TNPO1: variants seen among roughly 807,000 people sequenced by gnomAD.
TNPO1 encodes the protein transportin 1.
A neutral mutation model predicts 119.5 loss-of-function variants in TNPO1; 8 were observed. The observed-to-expected ratio is 0.07, with a 90% CI of 0.04 to 0.12. The LOEUF (loss-of-function observed/expected upper bound fraction) is 0.12, where lower values mean the gene tolerates loss of function less well. Ranked by LOEUF, TNPO1 falls within the 10% of genes least tolerant of loss-of-function variation. The pLI is 1.00. For missense variants in TNPO1, 576 were observed against 1,089.8 expected (o/e 0.53, Z 6.64); for synonymous variants, 362 against 363.0 (o/e 1.00, Z 0.03).
intron 3 of TNPO1, 45 bp from the exon 4 acceptor site, chr5:72,855,729 A>G (rs747839552): frequency 6.7e-7 from 1 of 1,494,026 alleles, no homozygotes; most frequent in Non-Finnish European, 9.0e-7. Context: ...ACATTTTGAA[A>G]TTAAGACTAC....
chr5:72,867,418 A>C (rs981858598), intron 6 of TNPO1, among the ~76,000 whole-genome samples: 1 of 152,208 alleles, frequency 6.6e-6, no homozygotes, highest in Non-Finnish European at 1.5e-5. Flanking sequence ...GACTTCAAGA[A>C]TATAAAATTA....
At chr5:72,885,185 CA>C (rs745727165) in intron 11 of TNPO1, among the ~76,000 whole-genome samples, 2 of 152,218 alleles carry the variant, frequency 1.3e-5, no homozygotes, top group Non-Finnish European at 2.9e-5. Flanking sequence ...ACATTTCCAA[CA>C]ACCTTGAATA....
chr5:72,852,668 T>C (rs968646224), intron 3 of TNPO1, among the ~76,000 whole-genome samples: 1 of 152,210 alleles, frequency 6.6e-6, no homozygotes, highest in Admixed American at 6.5e-5. Context: ...GACAGGTTAA[T>C]AGTGTTATTG....
chr5:72,855,291 A>T (rs906779978), intron 3 of TNPO1, among the ~76,000 whole-genome samples: 1 of 152,082 alleles, frequency 6.6e-6, no homozygotes, highest in Non-Finnish European at 1.5e-5. Context: ...AAAACCAGCA[A>T]CAAAATTTTA....
chr5:72,883,192 T>C lies in TNPO1; in HGVS notation c.1110T>C (p.Asp370=). The C allele has an allele frequency of 6.4e-7, 1 of 1,565,866 alleles. No individual in the cohort carries two copies. The stretch of plus-strand genomic sequence containing the variant: ...TTGAAGAGGAAGATGATGATGATGA[T>C]GAAATTGATGATGATGATACAATTT... The part of the protein sequence containing the change: ...DGIEEEDDDD[D]EIDDDDTISD... Residue 370 remains aspartate, a synonymous_variant, in exon 11 of 25, where the codon GAT becomes GAC. Coordinates refer to ENST00000337273, the MANE Select transcript of TNPO1 (RefSeq NM_002270.4).
intron 1 of TNPO1, among the ~76,000 whole-genome samples, chr5:72,834,819 A>G (rs1912004): frequency 0.49 from 73,900 of 152,082 alleles, 19,131 homozygotes; most frequent in Admixed American, 0.62. Flanking sequence ...TATAAGCTCC[A>G]TTCATGTTAA....
At chr5:72,886,047 A>G (rs886931908) in intron 11 of TNPO1, among the ~76,000 whole-genome samples, 2 of 151,868 alleles carry the variant, frequency 1.3e-5, no homozygotes, top group Admixed American at 1.3e-4. Flanking sequence ...AACCCTTAAG[A>G]CCTAATCATC....
intron 24 of TNPO1, 91 bp from the exon 25 acceptor site, chr5:72,908,618 A>G (rs888086062): frequency 1.3e-5 from 2 of 157,190 alleles, no homozygotes; most frequent in African/African-American, 4.8e-5. Context: ...AGGTAAAGAT[A>G]GCATTCTTAT....
chr5:72,889,693 T>C, intron 13 of TNPO1, 93 bp from the exon 14 acceptor site: 2 of 1,396,054 alleles, frequency 1.4e-6, no homozygotes, highest in Admixed American at 2.5e-5. Flanking sequence ...AGGAAATTCC[T>C]GATTGGGTAA....
chr5:72,826,355 C>T (rs542377395), intron 1 of TNPO1, among the ~76,000 whole-genome samples: 2 of 152,120 alleles, frequency 1.3e-5, no homozygotes, highest in South Asian at 2.1e-4. Context: ...CATTTTTAAA[C>T]GGTTATGAAA....
intron 20 of TNPO1, 53 bp from the exon 21 acceptor site, chr5:72,899,953 C>A: frequency 1.4e-6 from 2 of 1,450,478 alleles, no homozygotes; most frequent in Non-Finnish European, 1.9e-6. Flanking sequence ...CCCTCATTTG[C>A]TCATGTCTTG....
At position 72,914,101 on chromosome 5, in the gene TNPO1, T is replaced by C. The variant is rs976747104; in HGVS notation, c.*5428T>C. The C allele has an allele frequency of 6.6e-6, 1 of 152,656 alleles. No homozygotes were observed. The highest frequency in any genetic ancestry group is 6.5e-5 in the Admixed American group (1 of 15,288). The allele number at this position is 152,656 out of a possible 1,614,324, so 9.5% of individuals were successfully genotyped here. ...CTGTACCTGCCACACTATGTTAGAA[T>C]GTGTCCTTCAAACATATCCTCCTGC... On this transcript the variant is annotated 3_prime_UTR_variant, in exon 25 of 25. Coordinates refer to ENST00000337273, the MANE Select transcript of TNPO1 (RefSeq NM_002270.4).
chr5:72,823,157 T>C (rs899094708), intron 1 of TNPO1, among the ~76,000 whole-genome samples: 1 of 152,122 alleles, frequency 6.6e-6, no homozygotes, highest in African/African-American at 2.4e-5. Flanking sequence ...GTTTGTTTGC[T>C]CCGTAACTTT....
intron 9 of TNPO1, chr5:72,879,086 C>A: frequency 4.4e-6 from 1 of 228,126 alleles, no homozygotes; most frequent in South Asian, 6.0e-5. Context: ...CCTCATGCGT[C>A]AACATCTTCA....
At chr5:72,841,121 T>TC (rs1561299846) in intron 1 of TNPO1, among the ~76,000 whole-genome samples, 633 of 44,330 alleles carry the variant, frequency 0.014, 2 homozygotes, top group African/African-American at 0.029. Context: ...CTCTCTCTCT[T>TC]TTTTTTTTTT....
intron 2 of TNPO1, among the ~76,000 whole-genome samples, chr5:72,850,649 A>G (rs1447175033): frequency 1.3e-5 from 2 of 152,218 alleles, no homozygotes; most frequent in Non-Finnish European, 2.9e-5. Context: ...AATTGGTATC[A>G]CTAAAAATGT....
Position 72,905,345 on chromosome 5 carries a change from A to G in TNPO1, c.2632A>G (p.Arg878Gly). 1 of 1,611,716 alleles carries G rather than the reference A, an allele frequency of 6.2e-7. No individual in the cohort carries two copies. Among genetic ancestry groups the G allele is most frequent in the Non-Finnish European group, 8.5e-7 (1 of 1,179,740 alleles). The change falls in exon 24 of 25, where the codon AGG (arginine) becomes GGG (glycine). Residue 878 changes from arginine (R) to glycine (G), a missense_variant. Coordinates refer to ENST00000337273, the MANE Select transcript of TNPO1 (RefSeq NM_002270.4). ...AAATCAAGTTGGCGATGAAAATTGG[A>G]GGCGTTTCTCTGACCAGTTTCCTCT... Reference protein sequence around the residue: ...FKNQVGDENWRRFSDQFPLPL... With the variant: ...FKNQVGDENWGRFSDQFPLPL...
At position 72,882,456 on chromosome 5, in the gene TNPO1, T is replaced by C; in HGVS notation, c.921-11T>C. The C allele has an allele frequency of 1.2e-6, 2 of 1,601,818 alleles. No individual in the cohort carries two copies. ...TTAAGGTCTTTGTTTCATGAATTTC[T>C]TTCTTTATAGGTTGATTCCTGTGTT... On this transcript the variant is annotated splice_polypyrimidine_tract_variant and intron_variant, in intron 9 of 24. Coordinates refer to ENST00000337273, the MANE Select transcript of TNPO1 (RefSeq NM_002270.4).
intron 1 of TNPO1, among the ~76,000 whole-genome samples, chr5:72,821,447 T>C (rs1302070004): frequency 6.6e-6 from 1 of 152,182 alleles, no homozygotes; most frequent in Non-Finnish European, 1.5e-5. Context: ...CCAACAAGAT[T>C]TTAAAGATAA....
Sources: allele counts gnomAD v4.1 joint callset (sites outside exome capture counted in the v4.1 genomes callset), GRCh38; gene constraint gnomAD v4.1.1; transcripts MANE v1.5; gene names NCBI Gene and HGNC (gene_info 2026-07-23, HGNC 2026-07-21).